Variants in VIM observed in about 807,000 individuals in gnomAD.
VIM encodes epididymis secretory sperm binding protein.
VIM carries 18 observed loss-of-function variants against 50.3 expected under a neutral mutation model. The ratio of observed to expected loss-of-function variants is 0.36; its 90% CI spans 0.25 to 0.53. VIM has a LOEUF of 0.53. Ranked by LOEUF, VIM falls within the 20% of genes least tolerant of loss-of-function variation. The pLI, the probability that VIM is intolerant of heterozygous loss-of-function variation, is 0.91. For missense variants in VIM, 551 were observed against 614.7 expected (o/e 0.90, Z 1.10); for synonymous variants, 245 against 248.5 (o/e 0.99, Z 0.13).
intron 7 of VIM, 41 bp from the exon 8 acceptor site, chr10:17,235,805 A>T: frequency 6.3e-7 from 1 of 1,595,132 alleles, no homozygotes; most frequent in East Asian, 2.2e-5. Context: ...GGTTGAAGTT[A>T]TTTGCCAACA....
At position 17,229,716 on chromosome 10, in the gene VIM, C is replaced by A; in HGVS notation, c.294C>A (p.Asn98Lys). ...ACGCCATCAACACCGAGTTCAAGAA[C>A]ACCCGCACCAACGAGAAGGTGGAGC... ...LADAINTEFK[N>K]TRTNEKVELQ... The change falls in exon 2 of 10, where the codon AAC (asparagine) becomes AAA (lysine). Residue 98 changes from asparagine to lysine, a missense_variant. By Grantham distance (94) the Asn-to-Lys change is moderately conservative. This residue lies in a region of VIM where 23 missense variants were observed against 50.9 expected (regional missense o/e 0.45). Transcript: ENST00000544301. 1 of 1,576,570 alleles carries A rather than the reference C, an allele frequency of 6.3e-7. No individual in the cohort carries two copies.
At chr10:17,237,081 A>C in intron 9 of VIM, 149 bp from the exon 10 acceptor site, 1 of 708,976 alleles carries the variant, frequency 1.4e-6, no homozygotes, top group Non-Finnish European at 2.4e-6. Context: ...TGCCCCTTCT[A>C]GTTTTCACTC....
At chr10:17,236,175 G>C in intron 8 of VIM, 119 bp from the exon 9 acceptor site, 3 of 889,908 alleles carry the variant, frequency 3.4e-6, no homozygotes, top group Non-Finnish European at 5.7e-6. Context: ...TATTTGGCGA[G>C]TAGTACTTTA....
At position 17,229,431 on chromosome 10, in the gene VIM, C is replaced by T; in HGVS notation, c.9C>T (p.Thr3=). MS[T]RSVSSSSYRR... is the part of the protein sequence containing the mutation. ...CGCCACCCTCCGCAGCCATGTCCAC[C>T]AGGTCCGTGTCCTCGTCCTCCTACC... Residue 3 remains threonine, a synonymous_variant, in exon 2 of 10, where the codon ACC becomes ACT. Coordinates refer to ENST00000544301, the MANE Select transcript of VIM (RefSeq NM_003380.5). 6.2e-7 allele frequency: 1 copy of T among 1,604,854 alleles called. No homozygotes were observed. The highest frequency in any genetic ancestry group is 8.5e-7 in the Non-Finnish European group (1 of 1,178,760).
intron 1 of VIM, 198 bp from the exon 2 acceptor site, chr10:17,229,078 A>G (rs1428299396): frequency 2.4e-6 from 1 of 418,526 alleles, no homozygotes; most frequent in Non-Finnish European, 4.3e-6. Context: ...GTCCCAGCCC[A>G]GCGCTGAAGT....
rs747735685 is a variant in VIM at position 17,234,694 on chromosome 10, T to C, written c.884T>C (p.Phe295Ser). 35 of 1,613,956 alleles carry C rather than the reference T, an allele frequency of 2.2e-5. No individual in the cohort carries two copies. The highest frequency in any genetic ancestry group is 1.9e-5 in the Non-Finnish European group (22 of 1,180,044). Residue 295 changes from phenylalanine to serine, a missense_variant and splice_region_variant, in exon 6 of 10, where the codon TTT becomes TCT. Around this residue, in one of 3 missense-constraint regions of VIM, gnomAD observed 394 missense variants for 437.5 expected, o/e 0.90. Transcript: ENST00000544301. ...QEAEEWYKSK[F>S]ADLSEAANRN... is the part of the protein sequence containing the mutation. ...ACATTTCTGTTTTCTTCCCAACAGT[T>C]TGCTGACCTCTCTGAGGCTGCCAAC... is the stretch of plus-strand genomic sequence containing the variant.
chr10:17,229,085 A>C, intron 1 of VIM, 191 bp from the exon 2 acceptor site: 1 of 447,056 alleles, frequency 2.2e-6, no homozygotes, highest in South Asian at 2.5e-5. Flanking sequence ...CCCAGCGCTG[A>C]AGTAACGGGA....
Position 17,235,384 on chromosome 10 carries a change from G to A in VIM, c.1224G>A (p.Glu408=). ...ATYRKLLEGE[E]SRISLPLPNF... ...ACAGGAAGCTGCTGGAAGGCGAGGA[G>A]AGCAGGTAGGGAACTCAGACTTGGA... is the stretch of plus-strand genomic sequence containing the variant. The change falls in exon 7 of 10, where the codon GAG becomes GAA. Residue 408 remains glutamate (E), a synonymous_variant. Transcript: ENST00000544301. 6.2e-7 allele frequency: 1 copy of A among 1,614,086 alleles called. No individual in the cohort carries two copies. Among genetic ancestry groups the A allele is most frequent in the East Asian group, 2.2e-5 (1 of 44,892 alleles).
intron 8 of VIM, 24 bp from the exon 9 acceptor site, chr10:17,236,269 AT>A (rs2131684333): frequency 1.3e-6 from 2 of 1,571,574 alleles, no homozygotes; most frequent in East Asian, 2.2e-5. Flanking sequence ...GTTTTTACTC[AT>A]TTTTGGCCTG....
intron 3 of VIM, among the ~76,000 whole-genome samples, chr10:17,232,559 G>A (rs1021171156): frequency 1.3e-5 from 2 of 152,224 alleles, no homozygotes; most frequent in Admixed American, 6.5e-5. Flanking sequence ...TTTACAGGAT[G>A]AGTCAAAGGA....
rs546992824 is a variant in VIM at position 17,229,756 on chromosome 10, G to A, written c.334G>A (p.Asp112Asn). The change falls in exon 2 of 10, where the codon GAC becomes AAC. Residue 112 changes from aspartate (D) to asparagine (N), a missense_variant. Coordinates refer to ENST00000544301, the MANE Select transcript of VIM (RefSeq NM_003380.5). ...NEKVELQELN[D>N]RFANYIDKVR... ...GAAGGTGGAGCTGCAGGAGCTGAAT[G>A]ACCGCTTCGCCAACTACATCGACAA... The A allele has an allele frequency of 4.4e-6, 7 of 1,588,172 alleles. No homozygotes were observed. Among genetic ancestry groups the A allele is most frequent in the Non-Finnish European group, 6.0e-6 (7 of 1,166,598 alleles).
rs150821460 is a variant in VIM at position 17,235,133 on chromosome 10, A to G, written c.1009-36A>G. 1.1e-3 allele frequency: 1,698 copies of G among 1,610,966 alleles called. 19 individuals are homozygous for G. In the African/African-American group the frequency reaches 0.02, roughly 19 times the overall value. ...TTCTGGGAACAGCTGGGTTTTTCTGAGAAATAACACCAGACATCTTTCTCA... is the reference window on the plus strand; with the variant it reads ...TTCTGGGAACAGCTGGGTTTTTCTGGGAAATAACACCAGACATCTTTCTCA... On this transcript the variant is annotated intron_variant, in intron 6 of 9. Coordinates refer to ENST00000544301, the MANE Select transcript of VIM (RefSeq NM_003380.5).
chr10:17,235,095 GGTCT>G, intron 6 of VIM, 70 bp from the exon 7 acceptor site: 1 of 1,532,410 alleles, frequency 6.5e-7, no homozygotes. Flanking sequence ...TATTGCAGAA[GGTCT>G]GTAAATGGTT....
intron 8 of VIM, 138 bp from the exon 9 acceptor site, chr10:17,236,156 C>T (rs1489507342): frequency 1.3e-5 from 11 of 824,410 alleles, no homozygotes; most frequent in Non-Finnish European, 2.1e-5. Context: ...ACAGAGACTA[C>T]CCTAAAATTA....
intron 7 of VIM, 88 bp from the exon 8 acceptor site, chr10:17,235,758 G>C: frequency 7.8e-7 from 1 of 1,289,064 alleles, no homozygotes; most frequent in East Asian, 2.3e-5. Context: ...GTTTTCTTAC[G>C]TGACGAAAAC....
Position 17,237,442 on chromosome 10 carries a change from GAA to G in VIM, c.*176_*177del. ...ACAACCGACACTCCTACAAGATTTA[GAA>G]AAAAGTTTACAACATAATCTAGTTT... On this transcript the variant is annotated 3_prime_UTR_variant, in exon 10 of 10. Transcript: ENST00000544301. The G allele has an allele frequency of 1.6e-6, 1 of 635,892 alleles. No homozygotes were observed. Among genetic ancestry groups the G allele is most frequent in the Non-Finnish European group, 2.7e-6 (1 of 369,254 alleles). The allele number at this position is 635,892 out of a possible 1,614,324, so 39.4% of individuals were successfully genotyped here.
At chr10:17,234,639 A>G in intron 5 of VIM, 54 bp from the exon 6 acceptor site, 2 of 1,608,186 alleles carry the variant, frequency 1.2e-6, no homozygotes, top group Non-Finnish European at 1.7e-6. Flanking sequence ...TTTTTCTAAG[A>G]GAGTCAAAAG....
intron 3 of VIM, 38 bp downstream of exon 3, chr10:17,230,748 C>G: frequency 6.2e-7 from 1 of 1,611,716 alleles, no homozygotes; most frequent in Non-Finnish European, 8.5e-7. Context: ...CCGCCTGACC[C>G]CACCCAACAC....
chr10:17,233,940 C>T lies in VIM; in HGVS notation c.882+9C>T. The T allele has an allele frequency of 3.7e-6, 6 of 1,610,492 alleles. No homozygotes were observed. The highest frequency in any genetic ancestry group is 5.1e-6 in the Non-Finnish European group (6 of 1,178,230). ...AATGGTACAAATCCAAGGTAGGAAA[C>T]AAATCAGTGCGGCTTCAACCAAAGA... On this transcript the variant is annotated intron_variant, in intron 5 of 9. Coordinates refer to ENST00000544301, the MANE Select transcript of VIM (RefSeq NM_003380.5).
Sources: allele counts gnomAD v4.1 joint callset (sites outside exome capture counted in the v4.1 genomes callset), GRCh38; gene constraint gnomAD v4.1.1; regional missense constraint gnomAD v4.1.1; transcripts MANE v1.5; gene names NCBI Gene and HGNC (gene_info 2026-07-23, HGNC 2026-07-21).